The following ARSG variants were observed in gnomAD, a reference collection of about 807,000 sequenced individuals.
ARSG encodes arylsulfatase G, also known as ASG.
Under a neutral mutation model 50.5 loss-of-function variants are expected in ARSG, and 37 were observed. The ratio of observed to expected loss-of-function variants is 0.73; its 90% CI spans 0.56 to 0.96. The LOEUF is 0.96. ARSG is among the 50% of genes least tolerant of loss of function. The pLI is 0.00. For missense variants in ARSG, 629 were observed against 675.3 expected, an observed-to-expected ratio of 0.93 and a Z score of 0.76; for synonymous variants, 225 against 254.6, an observed-to-expected ratio of 0.88 and a Z score of 1.11.
At position 68,294,044 on chromosome 17, in the gene ARSG, A is replaced by C. The variant is rs575360078; in HGVS notation, c.-552+2476A>C. Among the ~76,000 whole-genome samples, 15 of 152,278 alleles carry C rather than the reference A, an allele frequency of 9.9e-5. No individual in the cohort carries two copies. The South Asian group carries it at 2.5e-3, about 25-fold the overall frequency. On this transcript the variant is annotated intron_variant, in intron 1 of 11. Transcript: ENST00000621439. ...ACAAAACTAACTCTGTTTAGTTCTA[A>C]ATAAGAACAAAAGAACCTTTGGAGT...
At chr17:68,263,576 C>T (rs2075106721) in intron 1 of ARSG, among the ~76,000 whole-genome samples, 1 of 152,096 alleles carries the variant, frequency 6.6e-6, no homozygotes, top group East Asian at 1.9e-4. Flanking sequence ...CTCAAGTGCT[C>T]TTTCTACCTC....
Position 68,376,277 on chromosome 17 carries a change from A to AGGTTT in ARSG, c.982+5753_982+5754insGGTTT, listed in dbSNP as rs2080144347. Among the ~76,000 whole-genome samples, 2 of 125,030 alleles carry AGGTTT rather than the reference A, an allele frequency of 1.6e-5. 1 individual carries two copies. 82.0% of individuals were successfully genotyped at this position (125,030 alleles called of 152,430 possible). On this transcript the variant is annotated intron_variant, in intron 8 of 11. Transcript: ENST00000621439. ...AGGAGTGTGCCACTGCGCCCCCTGC[A>AGGTTT]TTTTTTTTTTTTTTTCTGAGATAGG...
intron 2 of ARSG, among the ~76,000 whole-genome samples, chr17:68,322,931 G>A (rs560210090): frequency 2.4e-4 from 37 of 152,250 alleles, no homozygotes; most frequent in African/African-American, 8.4e-4. Flanking sequence ...GCTTGCAGAC[G>A]GCCCCCTTCT....
At chr17:68,355,227 C>T (rs1017569481) in intron 5 of ARSG, among the ~76,000 whole-genome samples, 6 of 152,216 alleles carry the variant, frequency 3.9e-5, no homozygotes, top group Admixed American at 6.5e-5. Flanking sequence ...TCCAATGCTA[C>T]GGATAAGGAG....
At chr17:68,383,931 A>G (rs1455713628) in intron 8 of ARSG, among the ~76,000 whole-genome samples, 1 of 152,196 alleles carries the variant, frequency 6.6e-6, no homozygotes, top group Non-Finnish European at 1.5e-5. Context: ...TCAAAACTTG[A>G]GGGACTCCAA....
intron 1 of ARSG, among the ~76,000 whole-genome samples, chr17:68,284,963 T>G (rs996948145): frequency 2.0e-5 from 3 of 152,216 alleles, no homozygotes. Flanking sequence ...GTACACAGCT[T>G]GTATTTATTT....
intron 1 of ARSG, among the ~76,000 whole-genome samples, chr17:68,297,772 G>A (rs1045210821): frequency 6.6e-6 from 1 of 152,094 alleles, no homozygotes; most frequent in African/African-American, 2.4e-5. Context: ...CAGCCATTAT[G>A]TTTTATTTTA....
chr17:68,283,734 C>T (rs1299918531), intron 1 of ARSG, among the ~76,000 whole-genome samples: 8 of 151,366 alleles, frequency 5.3e-5, no homozygotes, highest in African/African-American at 1.2e-4. Context: ...CAAAATTAGC[C>T]GGGTGTGGTG....
intron 1 of ARSG, among the ~76,000 whole-genome samples, chr17:68,277,666 C>G (rs9905444): frequency 0.25 from 37,849 of 152,086 alleles, 5,235 homozygotes; most frequent in African/African-American, 0.36. Flanking sequence ...CTGACCTCAA[C>G]TGATCCACCC....
chr17:68,398,239 C>T (rs1014366577), intron 10 of ARSG, among the ~76,000 whole-genome samples: 2 of 152,182 alleles, frequency 1.3e-5, no homozygotes, highest in East Asian at 1.9e-4. Flanking sequence ...TGTTTATACA[C>T]TATACATGTG....
At chr17:68,328,464 C>T (rs930778827) in intron 2 of ARSG, among the ~76,000 whole-genome samples, 18 of 152,200 alleles carry the variant, frequency 1.2e-4, no homozygotes, top group African/African-American at 2.6e-4. Context: ...CTTGTCTTTC[C>T]GTGCCTTTAA....
intron 2 of ARSG, among the ~76,000 whole-genome samples, chr17:68,319,532 G>T (rs1392733982): frequency 1.3e-5 from 2 of 152,190 alleles, no homozygotes; most frequent in Non-Finnish European, 2.9e-5. Context: ...TTAGAGAAAA[G>T]AAAAGGAACT....
chr17:68,317,458 CTGTTT>C (rs1401381412), intron 2 of ARSG, among the ~76,000 whole-genome samples: 2 of 151,252 alleles, frequency 1.3e-5, no homozygotes, highest in Admixed American at 6.6e-5. Context: ...TAATGATGAA[CTGTTT>C]TGTTTTTTTT....
At chr17:68,390,935 T>TTTC (rs2080963804) in intron 9 of ARSG, among the ~76,000 whole-genome samples, 1 of 151,114 alleles carries the variant, frequency 6.6e-6, no homozygotes. Context: ...TCCTTTTTTT[T>TTTC]TTTTTTAATG....
intron 2 of ARSG, among the ~76,000 whole-genome samples, chr17:68,321,504 C>T (rs1238930691): frequency 1.3e-5 from 2 of 152,196 alleles, no homozygotes; most frequent in Admixed American, 1.3e-4. Flanking sequence ...CCTATTTTCA[C>T]GTCCATGCCT....
chr17:68,282,293 A>T lies in ARSG; in HGVS notation c.-552+22867A>T, dbSNP rs1292827519. Among the ~76,000 whole-genome samples, 3 of 151,830 alleles carry T rather than the reference A, an allele frequency of 2.0e-5. No individual in the cohort carries two copies. In the East Asian group the frequency reaches 5.9e-4, roughly 30 times the overall value. On this transcript the variant is annotated intron_variant, in intron 1 of 11. Coordinates refer to the ARSG transcript ENST00000448504. ...CACACGTTCTCACTCATAGGTGGGA[A>T]TTGAACAATGAGAACACTTGGACAC...
chr17:68,287,981 CCCT>C (rs1163416940), upstream of ARSG, among the ~76,000 whole-genome samples: 1 of 150,884 alleles, frequency 6.6e-6, no homozygotes, highest in Non-Finnish European at 1.5e-5. Context: ...CCCCCTCCCT[CCCT>C]CCTTTCTTTT....
chr17:68,447,984 C>CAAAAA, the ARSG span, among the ~76,000 whole-genome samples: 1 of 80,240 alleles, frequency 1.2e-5, no homozygotes, highest in Non-Finnish European at 2.5e-5. Flanking sequence ...GACTCTATCT[C>CAAAAA]AAAAAAAAAA....
In ARSG at chr17:68,365,414, A is replaced by G. The variant is rs547260469; in HGVS notation, c.705-3134A>G. ...AGGTCTGATTGTCCCCATTTTATAG[A>G]TGACAGAGGTTAAGTTAATTGTCCA... On this transcript the variant is annotated intron_variant, in intron 6 of 11. Transcript: ENST00000621439. Among the ~76,000 whole-genome samples the G allele has an allele frequency of 5.9e-5, 9 of 152,228 alleles. No homozygotes were observed. The South Asian group carries it at 1.9e-3, about 32-fold the overall frequency.
Sources: gnomAD v4.1 joint callset for allele counts (sites outside exome capture counted in the v4.1 genomes callset) on GRCh38, gnomAD v4.1.1 for gene constraint, MANE v1.5 for transcripts, NCBI Gene and HGNC (gene_info 2026-07-23, HGNC 2026-07-21) for gene names.